Variants in SYNJ1 observed in about 807,000 individuals in gnomAD.
The protein encoded by SYNJ1 is synaptojanin 1.
Under a neutral mutation model 168.2 loss-of-function variants are expected in SYNJ1, and 78 were observed. The observed-to-expected ratio is 0.46, with a 90% CI of 0.39 to 0.56. SYNJ1 has a LOEUF of 0.56. SYNJ1 is among the 20% of genes least tolerant of loss of function. The probability of loss-of-function intolerance (pLI) is 0.00; values close to 1 mark genes in which losing one functional copy is unlikely to be tolerated. For synonymous variants in SYNJ1, 539 were observed against 548.6 expected, an observed-to-expected ratio of 0.98 and a Z score of 0.24; for missense variants, 1,303 against 1,597.6, an observed-to-expected ratio of 0.82 and a Z score of 3.14.
chr21:32,662,145 CA>C (rs1469356786), intron 18 of SYNJ1, among the ~76,000 whole-genome samples: 2 of 152,192 alleles, frequency 1.3e-5, no homozygotes, highest in African/African-American at 4.8e-5. Flanking sequence ...CGAGCCCAGA[CA>C]ACTCCTGAAA....
chr21:32,720,068 C>T (rs374796304), intron 2 of SYNJ1, among the ~76,000 whole-genome samples: 1 of 151,888 alleles, frequency 6.6e-6, no homozygotes, highest in South Asian at 2.1e-4. Flanking sequence ...GGAGAAACCC[C>T]GTCTCTACTA....
intron 23 of SYNJ1, 100 bp downstream of exon 23, chr21:32,650,084 C>A: frequency 1.4e-6 from 2 of 1,407,946 alleles, no homozygotes; most frequent in Non-Finnish European, 1.9e-6. Context: ...TATGTACGTC[C>A]CAAGAAGAAG....
Position 32,726,791 on chromosome 21 carries a change from A to G in SYNJ1, c.105T>C (p.Ser35=). ...ACTTACAGAGCACAGCGACAGCCCC[A>G]GACTCGAACATGAGACATTCTTCCT... The part of the protein sequence containing the change: ...RHKEECLMFE[S]GAVAVLSSAE... Residue 35 remains serine, a synonymous_variant, in exon 2 of 33, where the codon TCT becomes TCC. Coordinates refer to ENST00000674351, the MANE Select transcript of SYNJ1 (RefSeq NM_203446.3). The G allele has an allele frequency of 6.2e-7, 1 of 1,614,206 alleles. No homozygotes were observed. Among genetic ancestry groups the G allele is most frequent in the Non-Finnish European group, 8.5e-7 (1 of 1,180,034 alleles).
At chr21:32,652,933 A>G (rs2040326722) in intron 22 of SYNJ1, among the ~76,000 whole-genome samples, 2 of 152,258 alleles carry the variant, frequency 1.3e-5, no homozygotes, top group African/African-American at 2.4e-5. Context: ...TTTCTGGTAC[A>G]TAATGCATTT....
chr21:32,666,406 C>T, intron 16 of SYNJ1, 27 bp downstream of exon 16: 3 of 1,602,004 alleles, frequency 1.9e-6, no homozygotes, highest in Non-Finnish European at 2.6e-6. Context: ...TAGGAAGTAG[C>T]CTTAGAGGAG....
At chr21:32,657,904 C>T (rs777581206) in intron 18 of SYNJ1, 32 bp from the exon 19 acceptor site, 86 of 1,561,128 alleles carry the variant, frequency 5.5e-5, no homozygotes, top group Non-Finnish European at 7.1e-5. Flanking sequence ...TAAGTTATTC[C>T]CAAACAGCAA....
At chr21:32,691,519 T>C (rs904638271) in intron 6 of SYNJ1, among the ~76,000 whole-genome samples, 2 of 152,192 alleles carry the variant, frequency 1.3e-5, no homozygotes, top group Admixed American at 1.3e-4. Context: ...ATATATACTG[T>C]AAATGTAGTA....
chr21:32,635,260 T>C (rs1220615527), intron 31 of SYNJ1, among the ~76,000 whole-genome samples: 1 of 152,160 alleles, frequency 6.6e-6, no homozygotes, highest in African/African-American at 2.4e-5. Context: ...GTGATGGTAT[T>C]TGGAGGTGGG....
intron 2 of SYNJ1, among the ~76,000 whole-genome samples, chr21:32,725,902 G>A (rs531613333): frequency 6.6e-6 from 1 of 152,180 alleles, no homozygotes; most frequent in East Asian, 1.9e-4. Context: ...GCGCAGTGGC[G>A]AGATCAAGGC....
chr21:32,675,623 C>T (rs188770568), intron 13 of SYNJ1, among the ~76,000 whole-genome samples: 330 of 152,252 alleles, frequency 2.2e-3, no homozygotes, highest in African/African-American at 7.6e-3. Flanking sequence ...TCCTTTTCAA[C>T]TAAATTTCTG....
intron 9 of SYNJ1, among the ~76,000 whole-genome samples, chr21:32,685,181 CAAAA>C (rs553002012): frequency 3.5e-5 from 2 of 57,690 alleles, no homozygotes; most frequent in Non-Finnish European, 7.0e-5. Flanking sequence ...GACTCCGTCT[CAAAA>C]AAAAAAAAAA....
At position 32,643,404 on chromosome 21, in the gene SYNJ1, T is replaced by C. The variant is rs2039931224; in HGVS notation, c.3478+6A>G. On this transcript the variant is annotated splice_donor_region_variant and intron_variant, in intron 27 of 32. Coordinates refer to ENST00000674351, the MANE Select transcript of SYNJ1 (RefSeq NM_203446.3). ...AACCACTTCTATAATGCAAGAGTCTTGTTACCTTCCATCTCTCTCCTAGCT... is the reference window on the plus strand; with the variant it reads ...AACCACTTCTATAATGCAAGAGTCTCGTTACCTTCCATCTCTCTCCTAGCT... 6.2e-7 allele frequency: 1 copy of C among 1,613,644 alleles called. No homozygotes were observed. The highest frequency in any genetic ancestry group is 1.3e-5 in the African/African-American group (1 of 74,986).
At chr21:32,642,211 C>T (rs2145746333) in intron 27 of SYNJ1, 78 bp from the exon 28 acceptor site, 2 of 1,529,578 alleles carry the variant, frequency 1.3e-6, no homozygotes, top group East Asian at 2.3e-5. Context: ...GCTTGCTGTT[C>T]TGCTTCATTA....
chr21:32,699,889 A>C lies in SYNJ1; in HGVS notation c.428T>G (p.Leu143Arg), dbSNP rs2042339087. The C allele has an allele frequency of 1.2e-6, 2 of 1,614,062 alleles. No homozygotes were observed. Among genetic ancestry groups the C allele is most frequent in the African/African-American group, 2.7e-5 (2 of 74,930 alleles). The change falls in exon 4 of 33, where the codon CTT (leucine) becomes CGT (arginine). Residue 143 changes from leucine (L) to arginine (R), a missense_variant. By Grantham distance (102) the Leu-to-Arg change is moderately radical (BLOSUM62 -2). Transcript: ENST00000674351. ...TTCTTGCATGCTACGATGCGCATTA[A>C]GACTCAAATCTAAACTGATGCCAGA... The part of the protein sequence containing the change: ...SASGISLDLS[L>R]NAHRSMQEQT...
At chr21:32,681,236 T>C (rs1269009893) in intron 11 of SYNJ1, among the ~76,000 whole-genome samples, 1 of 152,202 alleles carries the variant, frequency 6.6e-6, no homozygotes, top group Non-Finnish European at 1.5e-5. Context: ...ATATATATCA[T>C]CTTAGTGGAT....
At chr21:32,713,684 A>G (rs376114910) in intron 2 of SYNJ1, among the ~76,000 whole-genome samples, 28 of 135,650 alleles carry the variant, frequency 2.1e-4, no homozygotes, top group East Asian at 8.9e-4. Flanking sequence ...TTTCCCATAT[A>G]TCAACATGGA....
intron 9 of SYNJ1, among the ~76,000 whole-genome samples, chr21:32,684,934 CT>C (rs1328621167): frequency 6.6e-6 from 1 of 152,048 alleles, no homozygotes; most frequent in Non-Finnish European, 1.5e-5. Flanking sequence ...AATCCCAGCA[CT>C]TTGGGAGGCG....
chr21:32,722,189 G>GAA lies in SYNJ1; in HGVS notation c.124+4581_124+4582dup, dbSNP rs869294126. ...AACAAGAATGAAACTCCATCTCAAA[G>GAA]AAAAAAAAAAAAAAAAATATATATA... On this transcript the variant is annotated intron_variant, in intron 2 of 32. Coordinates refer to ENST00000674351, the MANE Select transcript of SYNJ1 (RefSeq NM_203446.3). Among the ~76,000 whole-genome samples, 637 of 112,500 alleles carry GAA rather than the reference G, an allele frequency of 5.7e-3. 3 individuals are homozygous for GAA. Among genetic ancestry groups the GAA allele is most frequent in the Admixed American group, 7.5e-3 (76 of 10,136 alleles). 73.8% of individuals were successfully genotyped at this position (112,500 alleles called of 152,430 possible).
At chr21:32,633,190 C>T (rs1166544657) in intron 32 of SYNJ1, among the ~76,000 whole-genome samples, 1 of 152,156 alleles carries the variant, frequency 6.6e-6, no homozygotes, top group South Asian at 2.1e-4. Flanking sequence ...AAGTCTACAA[C>T]CACAATGATG....
Sources: allele counts gnomAD v4.1 joint callset (sites outside exome capture counted in the v4.1 genomes callset), GRCh38; gene constraint gnomAD v4.1.1; transcripts MANE v1.5; gene names NCBI Gene and HGNC (gene_info 2026-07-23, HGNC 2026-07-21).